The following APLF variants were observed in gnomAD, a reference collection of about 807,000 sequenced individuals.
The protein encoded by APLF is aprataxin and PNKP like factor, also known as aprataxin and PNK-like factor.
In APLF, 61 loss-of-function variants were observed where a neutral mutation model predicts 55.6. The ratio of observed to expected loss-of-function variants is 1.10; its 90% CI spans 0.89 to 1.36. The LOEUF (loss-of-function observed/expected upper bound fraction) is 1.36. Among genes scored for constraint, APLF ranks in the 40% most tolerant of loss-of-function variants. The pLI, the probability that APLF is intolerant of heterozygous loss-of-function variation, is 0.00. For synonymous variants in APLF, 207 were observed against 214.8 expected (o/e 0.96, Z 0.32); for missense variants, 611 against 602.5 (o/e 1.01, Z -0.15).
At chr2:68,498,878 C>T (rs558541244) in intron 2 of APLF, among the ~76,000 whole-genome samples, 3 of 152,132 alleles carry the variant, frequency 2.0e-5, no homozygotes, top group East Asian at 1.9e-4. Flanking sequence ...TCAAAATATA[C>T]GTCTTTGGGT....
rs777208483 is a variant in APLF, at chr2:68,577,956, A to C, written c.1470A>C (p.Glu490Asp). ...DEDSDWEPGK[E>D]DEEKEDVEEL... Reference sequence around the variant, plus strand: ...ATTCTGACTGGGAACCAGGAAAGGAAGATGAAGAGAAGGAAGATGTGGAAG... The same window carrying C: ...ATTCTGACTGGGAACCAGGAAAGGACGATGAAGAGAAGGAAGATGTGGAAG... Residue 490 changes from glutamate to aspartate, a missense_variant, in exon 10 of 10, where the codon GAA becomes GAC. By Grantham distance (45) the Glu-to-Asp change is conservative (BLOSUM62 2). Transcript: ENST00000303795. 6.2e-7 allele frequency: 1 copy of C among 1,613,658 alleles called. No individual in the cohort carries two copies. The highest frequency in any genetic ancestry group is 2.2e-5 in the East Asian group (1 of 44,818).
At chr2:68,474,642 G>A (rs1675717715) in intron 1 of APLF, among the ~76,000 whole-genome samples, 1 of 151,954 alleles carries the variant, frequency 6.6e-6, no homozygotes, top group Non-Finnish European at 1.5e-5. Flanking sequence ...CCTTTCTTTG[G>A]TAATTTGGTT....
intron 1 of APLF, among the ~76,000 whole-genome samples, chr2:68,473,586 C>T (rs560691599): frequency 7.9e-5 from 12 of 152,230 alleles, no homozygotes; most frequent in Admixed American, 3.3e-4. Flanking sequence ...TGTAAGAAAC[C>T]GCCAAACTGT....
chr2:68,487,026 C>T (rs1170273659), intron 1 of APLF, among the ~76,000 whole-genome samples: 1 of 152,124 alleles, frequency 6.6e-6, no homozygotes, highest in African/African-American at 2.4e-5. Flanking sequence ...TGCAGACCAA[C>T]ATCAGTCATT....
chr2:68,540,633 T>G (rs1015413730), intron 7 of APLF, among the ~76,000 whole-genome samples: 1 of 152,174 alleles, frequency 6.6e-6, no homozygotes, highest in African/African-American at 2.4e-5. Flanking sequence ...ACCAACAGTG[T>G]AAAAGTGTTC....
intron 1 of APLF, among the ~76,000 whole-genome samples, chr2:68,475,490 T>C (rs1361904430): frequency 6.6e-6 from 1 of 152,226 alleles, no homozygotes; most frequent in Non-Finnish European, 1.5e-5. Context: ...TACACCATTA[T>C]TCTTATGGGA....
At chr2:68,562,467 A>G (rs1671196843) in intron 8 of APLF, among the ~76,000 whole-genome samples, 1 of 152,030 alleles carries the variant, frequency 6.6e-6, no homozygotes, top group African/African-American at 2.4e-5. Flanking sequence ...CGCTGATTTG[A>G]CAGATGATAG....
chr2:68,534,900 A>C (rs1483740300), intron 6 of APLF, among the ~76,000 whole-genome samples: 1 of 152,184 alleles, frequency 6.6e-6, no homozygotes, highest in African/African-American at 2.4e-5. Flanking sequence ...GTCTCAGCAA[A>C]CTTACAAATT....
At position 68,524,800 on chromosome 2, in the gene APLF, A is replaced by C. The variant is rs1669985446; in HGVS notation, c.623-1261A>C. 2.0e-5 allele frequency among the ~76,000 whole-genome samples: 3 copies of C among 152,360 alleles called. No individual in the cohort carries two copies. In the South Asian group the frequency reaches 6.2e-4, roughly 32 times the overall value. ...GGAGACAAGGGAGGAACAATGAACA[A>C]GGCATGTAAAGTTTCTGCCTTCATG... On this transcript the variant is annotated intron_variant, in intron 5 of 9. Coordinates refer to ENST00000303795, the MANE Select transcript of APLF (RefSeq NM_173545.3).
At chr2:68,568,298 G>A (rs997382609) in intron 9 of APLF, 1 of 985,144 alleles carries the variant, frequency 1.0e-6, no homozygotes, top group African/African-American at 1.7e-5. Context: ...ATACTATCCA[G>A]GCTGCACTCA....
intron 2 of APLF, among the ~76,000 whole-genome samples, chr2:68,493,559 A>G (rs1333435939): frequency 6.6e-6 from 1 of 152,238 alleles, no homozygotes; most frequent in Non-Finnish European, 1.5e-5. Flanking sequence ...TATAATGAAA[A>G]TGATAACTAC....
intron 1 of APLF, among the ~76,000 whole-genome samples, chr2:68,479,622 C>G (rs1675887923): frequency 6.6e-6 from 1 of 152,156 alleles, no homozygotes; most frequent in Non-Finnish European, 1.5e-5. Context: ...TTCAAGACTG[C>G]TTTTCTTTTA....
Position 68,518,998 on chromosome 2 carries a change from T to G in APLF, c.622+5318T>G, listed in dbSNP as rs1311328780. Among the ~76,000 whole-genome samples, 5 of 121,030 alleles carry G rather than the reference T, an allele frequency of 4.1e-5. No individual in the cohort carries two copies. The South Asian group carries it at 9.0e-4, about 22-fold the overall frequency. 79.4% of individuals were successfully genotyped at this position (121,030 alleles called of 152,430 possible). A position where few individuals can be genotyped will look rare whatever the true frequency, so the allele number is the denominator to read the frequency against. ...GCTATTAATATACAATATCTGATAATATATTATTAATATATAATAATATAT... is the reference window on the plus strand; with the variant it reads ...GCTATTAATATACAATATCTGATAAGATATTATTAATATATAATAATATAT... On this transcript the variant is annotated intron_variant, in intron 5 of 9. Coordinates refer to ENST00000303795, the MANE Select transcript of APLF (RefSeq NM_173545.3).
intron 1 of APLF, among the ~76,000 whole-genome samples, chr2:68,481,225 A>G (rs764266807): frequency 6.6e-6 from 1 of 152,186 alleles, no homozygotes; most frequent in Non-Finnish European, 1.5e-5. Context: ...AGAATTCAGC[A>G]GTGAAGCCTT....
intron 5 of APLF, among the ~76,000 whole-genome samples, 160 bp from the exon 6 acceptor site, chr2:68,525,901 C>T (rs1305335760): frequency 6.6e-6 from 1 of 151,754 alleles, no homozygotes; most frequent in Non-Finnish European, 1.5e-5. Context: ...AGGTGCACAC[C>T]ACCACACCTG....
rs1558538568 is a variant in APLF at position 68,517,296 on chromosome 2, GTCATTACTATATAATATAT to G, written c.622+3618_622+3636del. Among the ~76,000 whole-genome samples the G allele has an allele frequency of 7.5e-3, 895 of 119,544 alleles. 23 individuals are homozygous for G. Among genetic ancestry groups the G allele is most frequent in the African/African-American group, 0.028 (851 of 29,946 alleles). 78.4% of individuals were successfully genotyped at this position (119,544 alleles called of 152,430 possible). On this transcript the variant is annotated intron_variant, in intron 5 of 9. Transcript: ENST00000303795. Reference sequence around the variant, plus strand: ...ATTACTATATAATATATTAATATATGTCATTACTATATAATATATTAATATATGTCATTACTATATAATA... The same window carrying G: ...ATTACTATATAATATATTAATATATGTAATATATGTCATTACTATATAATA...
chr2:68,485,759 A>G (rs937339533), intron 1 of APLF, among the ~76,000 whole-genome samples: 2 of 151,254 alleles, frequency 1.3e-5, no homozygotes, highest in Admixed American at 6.6e-5. Context: ...AATACAGCAC[A>G]CTGAATCACA....
At chr2:68,563,246 A>T (rs181455396) in intron 8 of APLF, 138 of 985,250 alleles carry the variant, frequency 1.4e-4, no homozygotes, top group Middle Eastern at 1.0e-3. Context: ...TCTAAGGCAG[A>T]TGAAAACCTG....
chr2:68,501,212 G>A (rs1005927224), intron 2 of APLF, among the ~76,000 whole-genome samples: 1 of 152,264 alleles, frequency 6.6e-6, no homozygotes, highest in East Asian at 1.9e-4. Context: ...TGTATGGCCA[G>A]ATTCTTATGA....
Sources: gnomAD v4.1 joint callset for allele counts (sites outside exome capture counted in the v4.1 genomes callset) on GRCh38, gnomAD v4.1.1 for gene constraint, MANE v1.5 for transcripts, NCBI Gene and HGNC (gene_info 2026-07-23, HGNC 2026-07-21) for gene names.